LRRC69: variants seen among roughly 807,000 people sequenced by gnomAD.
LRRC69 encodes the protein leucine-rich repeat-containing protein 69.
In LRRC69, 42 loss-of-function variants were observed where a neutral mutation model predicts 37.8. The observed-to-expected ratio is 1.11, with a 90% CI of 0.87 to 1.44. The LOEUF (loss-of-function observed/expected upper bound fraction) is 1.44. Among genes scored for constraint, LRRC69 ranks in the 40% most tolerant of loss-of-function variants. LRRC69 has a pLI of 0.00. For synonymous variants in LRRC69, 141 were observed against 143.1 expected (o/e 0.99, Z 0.11); for missense variants, 357 against 401.9 (o/e 0.89, Z 0.96).
intron 5 of LRRC69, among the ~76,000 whole-genome samples, chr8:91,171,872 G>A (rs1190288865): frequency 1.3e-5 from 2 of 151,700 alleles, no homozygotes; most frequent in African/African-American, 4.8e-5. Context: ...ACAACATATT[G>A]GCTTATTTCT....
intron 1 of LRRC69, among the ~76,000 whole-genome samples, chr8:91,103,823 A>T (rs1215379914): frequency 6.6e-6 from 1 of 152,010 alleles, no homozygotes; most frequent in Non-Finnish European, 1.5e-5. Context: ...GGAATTTTTT[A>T]ATAGGAAAGA....
At chr8:91,200,670 G>C in exon 7 of LRRC69, 1 of 1,483,560 alleles carries the variant, frequency 6.7e-7, no homozygotes, top group African/African-American at 1.5e-5. Context: ...TTTCCTAATG[G>C]ATGACATAGA....
Position 91,135,562 on chromosome 8 carries a change from A to G in LRRC69, c.580-106A>G, listed in dbSNP as rs183867682. Reference sequence around the variant, plus strand: ...GAATTGGTCAGTACAGTGATTAGAAAAGATGGCCACCTTCATCATGTTGGA... The same window carrying G: ...GAATTGGTCAGTACAGTGATTAGAAGAGATGGCCACCTTCATCATGTTGGA... On this transcript the variant is annotated intron_variant, in intron 4 of 7. Transcript: ENST00000448384. The G allele has an allele frequency of 1.9e-4, 128 of 670,790 alleles. 2 individuals carry two copies. The East Asian group carries it at 3.9e-3, about 20-fold the overall frequency. The allele number at this position is 670,790 out of a possible 1,614,324, so 41.6% of individuals were successfully genotyped here.
At chr8:91,131,938 T>C (rs906990203) in intron 3 of LRRC69, among the ~76,000 whole-genome samples, 7 of 152,094 alleles carry the variant, frequency 4.6e-5, no homozygotes, top group Non-Finnish European at 7.4e-5. Context: ...CAAGAATCTT[T>C]CTGTTGGCTT....
chr8:91,107,311 T>C (rs1334670982), intron 1 of LRRC69, among the ~76,000 whole-genome samples: 1 of 151,626 alleles, frequency 6.6e-6, no homozygotes, highest in Admixed American at 6.6e-5. Context: ...ATTTTTTTTG[T>C]ATTTTTAGTA....
intron 5 of LRRC69, among the ~76,000 whole-genome samples, chr8:91,155,448 C>T (rs187274700): frequency 6.6e-6 from 1 of 150,886 alleles, no homozygotes; most frequent in East Asian, 2.0e-4. Context: ...ATATCCATTA[C>T]CTCAAATATT....
chr8:91,115,587 A>C (rs1348365579), intron 1 of LRRC69, among the ~76,000 whole-genome samples: 2 of 152,014 alleles, frequency 1.3e-5, no homozygotes, highest in Admixed American at 1.3e-4. Flanking sequence ...TTCTCTATGT[A>C]CTAAAGTATG....
At position 91,151,374 on chromosome 8, in the gene LRRC69, G is replaced by A. The variant is rs577673652; in HGVS notation, c.651+15635G>A. ...TAGTCATTCAGGAGCAGGTTGTTCC[G>A]TTTCCATGTAGTTGAGTGGTTTTGA... is the stretch of plus-strand genomic sequence containing the variant. On this transcript the variant is annotated intron_variant, in intron 5 of 7. Transcript: ENST00000448384. Among the ~76,000 whole-genome samples, 39 of 151,700 alleles carry A rather than the reference G, an allele frequency of 2.6e-4. No individual in the cohort carries two copies. In the South Asian group the frequency reaches 7.7e-3, roughly 30 times the overall value.
intron 1 of LRRC69, among the ~76,000 whole-genome samples, chr8:91,114,352 A>G (rs564873576): frequency 3.3e-5 from 5 of 152,108 alleles, no homozygotes; most frequent in South Asian, 4.1e-4. Flanking sequence ...CCGCACTCAC[A>G]TGTTCATTGC....
intron 1 of LRRC69, among the ~76,000 whole-genome samples, chr8:91,121,291 G>A (rs1019442579): frequency 1.3e-5 from 2 of 151,994 alleles, no homozygotes; most frequent in Admixed American, 1.3e-4. Context: ...TAAAACACAT[G>A]TCAAATAATG....
intron 1 of LRRC69, among the ~76,000 whole-genome samples, chr8:91,115,098 A>G (rs150193564): frequency 6.0e-4 from 92 of 152,096 alleles, no homozygotes; most frequent in African/African-American, 2.2e-3. Context: ...GTTATGTAAG[A>G]TAAATAAGTT....
intron 1 of LRRC69, among the ~76,000 whole-genome samples, chr8:91,108,499 A>T (rs1813357701): frequency 6.6e-6 from 1 of 152,064 alleles, no homozygotes; most frequent in Non-Finnish European, 1.5e-5. Context: ...AAAGTGCTGT[A>T]AAGGAGAATT....
intron 7 of LRRC69, among the ~76,000 whole-genome samples, chr8:91,211,744 G>A (rs1191307956): frequency 1.3e-5 from 2 of 151,562 alleles, no homozygotes; most frequent in African/African-American, 4.8e-5. Flanking sequence ...ATCAGGAAGG[G>A]AGAACATATT....
chr8:91,125,679 A>G (rs898851907), intron 2 of LRRC69, among the ~76,000 whole-genome samples: 8 of 151,750 alleles, frequency 5.3e-5, no homozygotes, highest in Admixed American at 1.3e-4. Flanking sequence ...TGATATACAT[A>G]AACAATATTG....
chr8:91,166,975 T>C (rs1337330097), intron 5 of LRRC69, among the ~76,000 whole-genome samples: 2 of 148,940 alleles, frequency 1.3e-5, no homozygotes, highest in African/African-American at 5.1e-5. Flanking sequence ...CCCACTTTGC[T>C]GGATAGTCAC....
chr8:91,155,293 G>A (rs756428728), intron 5 of LRRC69, among the ~76,000 whole-genome samples: 82 of 150,956 alleles, frequency 5.4e-4, no homozygotes, highest in Admixed American at 2.7e-3. Context: ...TCTCCTCTTA[G>A]ACAATTTAAA....
intron 5 of LRRC69, among the ~76,000 whole-genome samples, chr8:91,145,301 C>T (rs563013406): frequency 6.6e-6 from 1 of 151,868 alleles, no homozygotes; most frequent in Non-Finnish European, 1.5e-5. Flanking sequence ...TGAATATCTC[C>T]ACAATATAGT....
chr8:91,213,789 T>C (rs1435898905), intron 7 of LRRC69, among the ~76,000 whole-genome samples: 1 of 152,090 alleles, frequency 6.6e-6, no homozygotes, highest in East Asian at 1.9e-4. Flanking sequence ...GTAAACAGAA[T>C]GTTTTAGGAG....
chr8:91,150,917 G>A (rs1808724208), intron 5 of LRRC69, among the ~76,000 whole-genome samples: 1 of 151,864 alleles, frequency 6.6e-6, no homozygotes, highest in Non-Finnish European at 1.5e-5. Context: ...TATTTCTGTG[G>A]GATCGTTGGT....
Sources: allele counts gnomAD v4.1 joint callset (sites outside exome capture counted in the v4.1 genomes callset), GRCh38; gene constraint gnomAD v4.1.1; transcripts MANE v1.5; gene names NCBI Gene and HGNC (gene_info 2026-07-23, HGNC 2026-07-21).